The following KAZN variants were observed in gnomAD, a reference collection of about 807,000 sequenced individuals.
KAZN encodes the protein kazrin.
Under a neutral mutation model 87.4 loss-of-function variants are expected in KAZN, and 40 were observed. That is an observed-to-expected ratio of 0.46 (90% CI 0.36 to 0.60). The LOEUF is 0.60. Among genes scored for constraint, KAZN ranks in the 20% least tolerant of loss-of-function variants. The pLI, the probability that KAZN is intolerant of heterozygous loss-of-function variation, is 0.00. For missense variants in KAZN, 898 were observed against 1,073.9 expected, an observed-to-expected ratio of 0.84 and a Z score of 2.29; for synonymous variants, 466 against 458.3, an observed-to-expected ratio of 1.02 and a Z score of -0.22.
At chr1:13,919,727 G>A (rs1313392026) in intron 1 of KAZN, among the ~76,000 whole-genome samples, 1 of 152,194 alleles carries the variant, frequency 6.6e-6, no homozygotes, top group Non-Finnish European at 1.5e-5. Flanking sequence ...GTGCATGCCA[G>A]TCTTTGGGGC....
intron 2 of KAZN, among the ~76,000 whole-genome samples, chr1:14,369,281 C>T (rs537584209): frequency 3.2e-4 from 48 of 152,284 alleles, no homozygotes; most frequent in African/African-American, 1.1e-3. Context: ...AAAAATGTAT[C>T]GTTCGCTCTT....
chr1:14,543,068 G>T (rs1672914825), intron 2 of KAZN, among the ~76,000 whole-genome samples: 2 of 152,134 alleles, frequency 1.3e-5, no homozygotes, highest in Admixed American at 1.3e-4. Context: ...AGAAACACAG[G>T]CTCCTAACTA....
intron 1 of KAZN, among the ~76,000 whole-genome samples, chr1:14,865,079 T>C (rs888862084): frequency 6.6e-6 from 1 of 152,158 alleles, no homozygotes; most frequent in African/African-American, 2.4e-5. Context: ...GATTGGAATG[T>C]GTGAGAGGAA....
chr1:14,935,450 T>G (rs1034624745), intron 1 of KAZN, among the ~76,000 whole-genome samples: 2 of 149,158 alleles, frequency 1.3e-5, no homozygotes, highest in African/African-American at 4.9e-5. Context: ...CCATCGATTC[T>G]CAAGGTGTGC....
intron 1 of KAZN, among the ~76,000 whole-genome samples, chr1:14,682,671 A>G (rs963186006): frequency 6.6e-6 from 1 of 152,200 alleles, no homozygotes; most frequent in Non-Finnish European, 1.5e-5. Context: ...AATGGAAAAA[A>G]AAATGTATTC....
At chr1:13,987,113 A>G (rs762052190) in intron 1 of KAZN, among the ~76,000 whole-genome samples, 2 of 152,220 alleles carry the variant, frequency 1.3e-5, no homozygotes, top group Non-Finnish European at 2.9e-5. Context: ...CTCAGCAGGC[A>G]GAATTTTATG....
intron 1 of KAZN, among the ~76,000 whole-genome samples, chr1:14,815,131 A>T (rs2100801342): frequency 6.6e-6 from 1 of 152,222 alleles, no homozygotes; most frequent in Admixed American, 6.5e-5. Flanking sequence ...ACCTGCTTAG[A>T]TACTTCCCTG....
chr1:14,153,467 G>A (rs1454618289), intron 1 of KAZN, among the ~76,000 whole-genome samples: 1 of 151,746 alleles, frequency 6.6e-6, no homozygotes, highest in African/African-American at 2.4e-5. Context: ...GTATGTTATT[G>A]GCACCTTTGT....
chr1:14,281,004 A>G (rs1365572340), intron 2 of KAZN, among the ~76,000 whole-genome samples: 1 of 152,212 alleles, frequency 6.6e-6, no homozygotes, highest in Non-Finnish European at 1.5e-5. Context: ...TGTTGAGCCC[A>G]AGCTCTGAAC....
At chr1:14,374,797 A>T (rs1312917538) in intron 2 of KAZN, among the ~76,000 whole-genome samples, 1 of 152,174 alleles carries the variant, frequency 6.6e-6, no homozygotes, top group Non-Finnish European at 1.5e-5. Context: ...GTACTGCAGG[A>T]TTTTAAAGTA....
intron 2 of KAZN, among the ~76,000 whole-genome samples, chr1:14,367,946 G>C (rs751646098): frequency 6.6e-6 from 1 of 152,156 alleles, no homozygotes; most frequent in African/African-American, 2.4e-5. Flanking sequence ...ACCAGGCTAC[G>C]TAAAAATGTA....
intron 2 of KAZN, among the ~76,000 whole-genome samples, chr1:14,548,786 A>T (rs1054729901): frequency 3.6e-5 from 4 of 111,666 alleles, no homozygotes; most frequent in African/African-American, 1.2e-4. Context: ...CCTGCTGTGA[A>T]CATTCTTTCG....
In KAZN at chr1:14,841,314, G is replaced by A. The variant is rs571863323; in HGVS notation, c.227-119370G>A. Among the ~76,000 whole-genome samples the A allele has an allele frequency of 6.0e-5, 9 of 149,496 alleles. No homozygotes were observed. The South Asian group carries it at 1.7e-3, about 28-fold the overall frequency. The stretch of plus-strand genomic sequence containing the variant: ...CAGCTACTCGGAGAGGCTGAGGCAG[G>A]AGAATGGTGTGAACCCGGGAGGCGG... On this transcript the variant is annotated intron_variant, in intron 1 of 14. Coordinates refer to ENST00000376030, the MANE Select transcript of KAZN (RefSeq NM_201628.3).
intron 5 of KAZN, 70 bp from the exon 6 acceptor site, chr1:15,060,102 T>A (rs1638649526): frequency 6.3e-7 from 1 of 1,586,494 alleles, no homozygotes; most frequent in African/African-American, 1.3e-5. Flanking sequence ...TTGGGTGGAA[T>A]AACCGCCAAG....
chr1:14,660,942 G>A (rs1015791846), intron 1 of KAZN, among the ~76,000 whole-genome samples: 15 of 152,126 alleles, frequency 9.9e-5, no homozygotes, highest in Admixed American at 7.2e-4. Flanking sequence ...TGTGACAGCC[G>A]CATCCTCCAC....
At chr1:14,277,740 A>G (rs1652497010) in intron 2 of KAZN, among the ~76,000 whole-genome samples, 1 of 151,778 alleles carries the variant, frequency 6.6e-6, no homozygotes, top group Non-Finnish European at 1.5e-5. Flanking sequence ...GATATTTATT[A>G]ACTCATAGTC....
intron 1 of KAZN, among the ~76,000 whole-genome samples, chr1:14,854,586 CG>C (rs1467905737): frequency 1.3e-5 from 2 of 152,052 alleles, no homozygotes; most frequent in Non-Finnish European, 2.9e-5. Flanking sequence ...CCCACTCTTG[CG>C]GGAGCTAATG....
intron 2 of KAZN, among the ~76,000 whole-genome samples, chr1:14,582,432 C>T (rs1019568618): frequency 2.0e-5 from 3 of 152,192 alleles, no homozygotes; most frequent in African/African-American, 7.2e-5. Context: ...CTTTTAGAGA[C>T]CGACTCTTCA....
chr1:14,646,158 GC>G (rs1227448006), intron 1 of KAZN, among the ~76,000 whole-genome samples: 4 of 152,140 alleles, frequency 2.6e-5, no homozygotes, highest in African/African-American at 9.7e-5. Flanking sequence ...ATAGACCCCG[GC>G]CATATCCTGA....
Sources: gnomAD v4.1 joint callset for allele counts (sites outside exome capture counted in the v4.1 genomes callset) on GRCh38, gnomAD v4.1.1 for gene constraint, MANE v1.5 for transcripts, NCBI Gene and HGNC (gene_info 2026-07-23, HGNC 2026-07-21) for gene names.